RBFOX1: variants seen among roughly 807,000 people sequenced by gnomAD.
The protein encoded by RBFOX1 is RNA binding protein fox-1 homolog 1.
Under a neutral mutation model 57.7 loss-of-function variants are expected in RBFOX1, and 8 were observed. That is an observed-to-expected ratio of 0.14 (90% CI 0.08 to 0.25). The LOEUF (loss-of-function observed/expected upper bound fraction) is 0.25, where lower values mean the gene tolerates loss of function less well. RBFOX1 is among the 10% of genes least tolerant of loss of function. RBFOX1 has a pLI of 1.00. For synonymous variants in RBFOX1, 326 were observed against 222.4 expected (o/e 1.47, Z -4.15); for missense variants, 611 against 548.5 (o/e 1.11, Z -1.14).
rs186753073 is a variant in RBFOX1 at position 7,457,238 on chromosome 16, G to C, written c.28-60909G>C. 6.5e-3 allele frequency among the ~76,000 whole-genome samples: 993 copies of C among 152,064 alleles called. 9 individuals are homozygous for C. Among genetic ancestry groups the C allele is most frequent in the African/African-American group, 0.022 (918 of 41,488 alleles). On this transcript the variant is annotated intron_variant, in intron 4 of 15. Coordinates refer to ENST00000550418, the MANE Select transcript of RBFOX1 (RefSeq NM_018723.4). The stretch of plus-strand genomic sequence containing the variant: ...CAGCGGGTCCATGAATGCAAGCAGT[G>C]GCTCCAGATATCCAGGAGGTCACAC...
chr16:7,004,222 C>G (rs567627124), intron 3 of RBFOX1: 1 of 152,046 alleles, frequency 6.6e-6, no homozygotes, highest in Non-Finnish European at 1.5e-5. Flanking sequence ...TATGCATTAT[C>G]TTTTGAATCT....
chr16:6,008,923 T>G (rs1271146722), intron 4 of RBFOX1, among the ~76,000 whole-genome samples: 2 of 151,980 alleles, frequency 1.3e-5, no homozygotes, highest in African/African-American at 4.8e-5. Context: ...CAGGAAGAGG[T>G]AGAGAAATCA....
rs1182986936 is a variant in RBFOX1, at chr16:5,389,339, C to T, written c.220-77877C>T. 2.6e-5 allele frequency among the ~76,000 whole-genome samples: 4 copies of T among 152,162 alleles called. No homozygotes were observed. In the South Asian group the frequency reaches 8.3e-4, roughly 32 times the overall value. ...CATAACAGGCTTTTCGACCTTGGCT[C>T]TATGGACGTTTGGGGCTGGATCATT... On this transcript the variant is annotated intron_variant, in intron 1 of 2. Transcript: ENST00000585867.
intron 1 of RBFOX1, among the ~76,000 whole-genome samples, chr16:6,176,810 A>C (rs2097014526): frequency 6.6e-6 from 1 of 152,152 alleles, no homozygotes; most frequent in Admixed American, 6.5e-5. Context: ...TCTTTTGGGT[A>C]CATGTGTCCT....
At chr16:6,734,547 C>A (rs934154445) in intron 3 of RBFOX1, among the ~76,000 whole-genome samples, 44 of 149,640 alleles carry the variant, frequency 2.9e-4, no homozygotes, top group Non-Finnish European at 4.4e-5. Flanking sequence ...AATGGCCCAA[C>A]TAGGAGTTCA....
Position 5,411,706 on chromosome 16 carries a change from C to A in RBFOX1, c.220-55510C>A, listed in dbSNP as rs150543662. Reference sequence around the variant, plus strand: ...CTTGAGCCCAGGAGTTTGAGACCAGCCTGGGCAACATGGAAAGACCCCATC... The same window carrying A: ...CTTGAGCCCAGGAGTTTGAGACCAGACTGGGCAACATGGAAAGACCCCATC... On this transcript the variant is annotated intron_variant, in intron 1 of 2. Transcript: ENST00000585867. Among the ~76,000 whole-genome samples, 576 of 151,352 alleles carry A rather than the reference C, an allele frequency of 3.8e-3. 9 individuals are homozygous for A. The highest frequency in any genetic ancestry group is 0.013 in the African/African-American group (556 of 41,198).
intron 4 of RBFOX1, among the ~76,000 whole-genome samples, chr16:7,215,173 C>T (rs967879483): frequency 3.3e-5 from 5 of 152,162 alleles, no homozygotes; most frequent in Non-Finnish European, 7.3e-5. Context: ...GTTTTCTGTT[C>T]CTGTGTTAGT....
At chr16:5,642,892 A>T (rs947157152) in intron 3 of RBFOX1, among the ~76,000 whole-genome samples, 7 of 152,156 alleles carry the variant, frequency 4.6e-5, no homozygotes, top group Non-Finnish European at 8.8e-5. Context: ...TGTATTCAAA[A>T]GCTAGGCTCC....
rs564899268 is a variant in RBFOX1, at chr16:7,317,282, G to T, written c.28-200865G>T. Among the ~76,000 whole-genome samples, 15 of 152,276 alleles carry T rather than the reference G, an allele frequency of 9.9e-5. No individual in the cohort carries two copies. The South Asian group carries it at 3.1e-3, about 32-fold the overall frequency. The stretch of plus-strand genomic sequence containing the variant: ...AAGAGAAGAAATGCAACTCCCTGAA[G>T]TCAGACTTCGGCAGGCTTTGGTGAA... On this transcript the variant is annotated intron_variant, in intron 4 of 15. Coordinates refer to ENST00000550418, the MANE Select transcript of RBFOX1 (RefSeq NM_018723.4).
At chr16:7,239,650 G>C (rs759464109) in intron 4 of RBFOX1, among the ~76,000 whole-genome samples, 1 of 152,092 alleles carries the variant, frequency 6.6e-6, no homozygotes, top group Non-Finnish European at 1.5e-5. Context: ...TGATAAGACC[G>C]TGAGAACTCA....
chr16:7,664,039 G>T (rs1004321439), intron 12 of RBFOX1, among the ~76,000 whole-genome samples: 1 of 152,118 alleles, frequency 6.6e-6, no homozygotes, highest in African/African-American at 2.4e-5. Flanking sequence ...CTATCAGATT[G>T]GGCTTGTTCA....
intron 3 of RBFOX1, among the ~76,000 whole-genome samples, chr16:7,036,945 T>C (rs888105545): frequency 1.3e-5 from 2 of 152,158 alleles, no homozygotes; most frequent in African/African-American, 4.8e-5. Flanking sequence ...AGGAGTAGAT[T>C]ATTCATGCTT....
chr16:7,191,778 G>C (rs999080628), intron 4 of RBFOX1, among the ~76,000 whole-genome samples: 2 of 152,194 alleles, frequency 1.3e-5, no homozygotes, highest in African/African-American at 2.4e-5. Flanking sequence ...GAAGCCCTAA[G>C]AATTCTCTGT....
rs549901703 is a variant in RBFOX1 at position 6,914,561 on chromosome 16, A to AAG, written c.-15-137495_-15-137494insGA. ...GTTTTCAGCTCCAGAAGAAAACAAA[A>AAG]ATAAAAAAAAAAACCCAAAACAGGG... On this transcript the variant is annotated intron_variant, in intron 3 of 15. Transcript: ENST00000550418. 5.3e-3 allele frequency among the ~76,000 whole-genome samples: 724 copies of AAG among 136,154 alleles called. 9 individuals are homozygous for AAG. Among genetic ancestry groups the AAG allele is most frequent in the Middle Eastern group, 0.028 (8 of 282 alleles). 89.3% of individuals were successfully genotyped at this position (136,154 alleles called of 152,430 possible).
intron 3 of RBFOX1, among the ~76,000 whole-genome samples, chr16:6,830,818 C>G (rs376646254): frequency 6.6e-6 from 1 of 152,108 alleles, no homozygotes; most frequent in African/African-American, 2.4e-5. Context: ...CAGATAAAAT[C>G]GGTGTTGACT....
intron 3 of RBFOX1, among the ~76,000 whole-genome samples, chr16:6,709,796 A>G (rs1338000945): frequency 6.6e-6 from 1 of 152,094 alleles, no homozygotes; most frequent in Admixed American, 6.5e-5. Context: ...TGCGGCAAGT[A>G]TCTTGGAGGC....
chr16:6,899,574 C>T (rs1048265103), intron 3 of RBFOX1, among the ~76,000 whole-genome samples: 2 of 152,194 alleles, frequency 1.3e-5, no homozygotes, highest in African/African-American at 4.8e-5. Flanking sequence ...CTCTCACCAT[C>T]TGTGAGATTT....
intron 2 of RBFOX1, among the ~76,000 whole-genome samples, chr16:5,570,101 G>C (rs536250481): frequency 6.6e-6 from 1 of 152,282 alleles, no homozygotes; most frequent in East Asian, 1.9e-4. Flanking sequence ...CACAGCCTGG[G>C]TGAGTCTTCC....
intron 4 of RBFOX1, among the ~76,000 whole-genome samples, chr16:7,069,578 A>T (rs555051461): frequency 6.6e-6 from 1 of 152,276 alleles, no homozygotes; most frequent in African/African-American, 2.4e-5. Context: ...TGGCTATGGG[A>T]CACATTCCTT....
Sources: gnomAD v4.1 joint callset for allele counts (sites outside exome capture counted in the v4.1 genomes callset) on GRCh38, gnomAD v4.1.1 for gene constraint, MANE v1.5 for transcripts, NCBI Gene and HGNC (gene_info 2026-07-23, HGNC 2026-07-21) for gene names.